The following FOLH1 variants were observed in gnomAD, a reference collection of about 807,000 sequenced individuals.
FOLH1 encodes the protein glutamate carboxypeptidase 2.
A neutral mutation model predicts 93.9 loss-of-function variants in FOLH1; 54 were observed. That is an observed-to-expected ratio of 0.57 (90% confidence interval 0.46 to 0.72). The LOEUF is 0.72. Among genes scored for constraint, FOLH1 ranks in the 30% least tolerant of loss-of-function variants. The pLI is 0.00. For synonymous variants in FOLH1, 249 were observed against 303.6 expected (o/e 0.82, Z 1.87); for missense variants, 571 against 892.5 (o/e 0.64, Z 4.59).
In FOLH1 at chr11:49,173,493, C is replaced by G; in HGVS notation, c.1106-17G>C. On this transcript the variant is annotated splice_polypyrimidine_tract_variant and intron_variant, in intron 9 of 18. Transcript: ENST00000256999. Reference sequence around the variant, plus strand: ...CATATCTGTCTAGAAAGCATAGATACAAGATTATTTGTCATTTCAGGTCAA... The same window carrying G: ...CATATCTGTCTAGAAAGCATAGATAGAAGATTATTTGTCATTTCAGGTCAA... The G allele has an allele frequency of 7.1e-7, 1 of 1,402,624 alleles. No homozygotes were observed. The highest frequency in any genetic ancestry group is 1.5e-5 in the African/African-American group (1 of 67,312). 86.9% of individuals were successfully genotyped at this position (1,402,624 alleles called of 1,614,324 possible).
At chr11:49,176,546 A>G (rs1860063528) in intron 7 of FOLH1, among the ~76,000 whole-genome samples, 1 of 152,166 alleles carries the variant, frequency 6.6e-6, no homozygotes. Flanking sequence ...AAAACATGGT[A>G]ATGTTTATGA....
At chr11:49,174,387 C>CAGT (rs1168061141) in intron 9 of FOLH1, among the ~76,000 whole-genome samples, 1 of 152,036 alleles carries the variant, frequency 6.6e-6, no homozygotes, top group Non-Finnish European at 1.5e-5. Flanking sequence ...ATGTATTAAT[C>CAGT]AGTAGATCAT....
At chr11:49,185,320 C>G (rs1480864217) in intron 6 of FOLH1, among the ~76,000 whole-genome samples, 1 of 152,152 alleles carries the variant, frequency 6.6e-6, no homozygotes, top group Non-Finnish European at 1.5e-5. Context: ...CCACTTACTA[C>G]TTAGCGTAAG....
chr11:49,172,968 C>T (rs1166115546), intron 10 of FOLH1, among the ~76,000 whole-genome samples: 3 of 152,110 alleles, frequency 2.0e-5, no homozygotes, highest in East Asian at 3.9e-4. Flanking sequence ...ACTTTGTACA[C>T]GTAATCTGAG....
chr11:49,150,512 G>T (rs1388094108), intron 17 of FOLH1, among the ~76,000 whole-genome samples: 1 of 152,074 alleles, frequency 6.6e-6, no homozygotes, highest in Non-Finnish European at 1.5e-5. Flanking sequence ...AAGATGACTT[G>T]CTAATGTTTA....
intron 17 of FOLH1, 80 bp from the exon 18 acceptor site, chr11:49,148,811 G>T: frequency 8.2e-7 from 1 of 1,222,674 alleles, no homozygotes; most frequent in South Asian, 1.8e-5. Context: ...GAACAAAACT[G>T]AATTTAGTTA....
At chr11:49,154,009 A>G (rs1341359383) in intron 16 of FOLH1, 82 bp from the exon 17 acceptor site, 4 of 1,341,094 alleles carry the variant, frequency 3.0e-6, no homozygotes, top group Middle Eastern at 1.9e-4. Flanking sequence ...AAAAGGAACA[A>G]TATAGAAGCC....
intron 13 of FOLH1, among the ~76,000 whole-genome samples, chr11:49,158,970 G>T (rs1427474026): frequency 1.3e-5 from 2 of 152,026 alleles, no homozygotes; most frequent in Admixed American, 1.3e-4. Flanking sequence ...AGCAATTTTT[G>T]TACATTGATT....
chr11:49,202,740 A>G (rs1255253925), intron 2 of FOLH1, among the ~76,000 whole-genome samples: 2 of 152,200 alleles, frequency 1.3e-5, no homozygotes, highest in Non-Finnish European at 2.9e-5. Context: ...CCAAGACTTC[A>G]AGATGACGAA....
chr11:49,149,237 A>G (rs1369551921), intron 17 of FOLH1, among the ~76,000 whole-genome samples: 1 of 152,178 alleles, frequency 6.6e-6, no homozygotes, highest in Non-Finnish European at 1.5e-5. Flanking sequence ...CTCTCGGTAT[A>G]ATGATCCAGA....
chr11:49,158,160 A>C, intron 13 of FOLH1, 117 bp from the exon 14 acceptor site: 4 of 745,296 alleles, frequency 5.4e-6, no homozygotes, highest in Non-Finnish European at 8.3e-6. Flanking sequence ...AAGGGATGCT[A>C]TCCATACATT....
At chr11:49,189,869 C>A (rs1415894201) in intron 4 of FOLH1, among the ~76,000 whole-genome samples, 2 of 152,058 alleles carry the variant, frequency 1.3e-5, no homozygotes, top group Non-Finnish European at 2.9e-5. Context: ...TGAACTAGAG[C>A]TTAAGTGGGT....
chr11:49,150,883 CT>C (rs1856436429), intron 17 of FOLH1, among the ~76,000 whole-genome samples: 1 of 152,196 alleles, frequency 6.6e-6, no homozygotes. Context: ...TAATTTACTT[CT>C]TGCTTTTCAT....
chr11:49,186,793 A>G, intron 4 of FOLH1, 24 bp from the exon 5 acceptor site: 2 of 1,567,090 alleles, frequency 1.3e-6, no homozygotes, highest in South Asian at 2.5e-5. Context: ...GAATGACTTA[A>G]TATGAGTCAG....
intron 6 of FOLH1, among the ~76,000 whole-genome samples, chr11:49,183,805 G>A (rs1861063649): frequency 6.6e-6 from 1 of 151,878 alleles, no homozygotes; most frequent in Non-Finnish European, 1.5e-5. Flanking sequence ...TTCAAACCCA[G>A]GCAAACGAAT....
chr11:49,202,425 CAG>C (rs1565217106), intron 2 of FOLH1, among the ~76,000 whole-genome samples: 1 of 151,544 alleles, frequency 6.6e-6, no homozygotes, highest in African/African-American at 2.4e-5. Flanking sequence ...TTGTAAGAGA[CAG>C]AGTCTCATTC....
At chr11:49,195,824 T>C (rs1313171970) in intron 3 of FOLH1, among the ~76,000 whole-genome samples, 1 of 152,176 alleles carries the variant, frequency 6.6e-6, no homozygotes, top group African/African-American at 2.4e-5. Context: ...AAAATGCATT[T>C]TAAATAAAAC....
intron 17 of FOLH1, among the ~76,000 whole-genome samples, chr11:49,153,532 G>A (rs1468967667): frequency 6.6e-6 from 1 of 152,110 alleles, no homozygotes; most frequent in Non-Finnish European, 1.5e-5. Flanking sequence ...ATGTCAGGAG[G>A]GAGGGACTGA....
chr11:49,203,208 TA>T (rs778915550), intron 2 of FOLH1, among the ~76,000 whole-genome samples: 5 of 152,216 alleles, frequency 3.3e-5, no homozygotes, highest in Non-Finnish European at 5.9e-5. Context: ...AAACACCTTT[TA>T]AAACAATCTT....
Sources: gnomAD v4.1 joint callset for allele counts (sites outside exome capture counted in the v4.1 genomes callset) on GRCh38, gnomAD v4.1.1 for gene constraint, MANE v1.5 for transcripts, NCBI Gene and HGNC (gene_info 2026-07-23, HGNC 2026-07-21) for gene names.